Variants in FAF1 observed in about 807,000 individuals in gnomAD.
The protein encoded by FAF1 is FAS-associated factor 1.
A neutral mutation model predicts 92.5 loss-of-function variants in FAF1; 25 were observed. The observed-to-expected ratio is 0.27, with a 90% CI of 0.20 to 0.38. The LOEUF is 0.38. FAF1 is among the 10% of genes least tolerant of loss of function. The pLI, the probability that FAF1 is intolerant of heterozygous loss-of-function variation, is 1.00. For missense variants in FAF1, 636 were observed against 793.3 expected (o/e 0.80, Z 2.38); for synonymous variants, 234 against 273.2 (o/e 0.86, Z 1.42).
chr1:50,761,407 A>G (rs1391737531), intron 4 of FAF1, among the ~76,000 whole-genome samples: 2 of 152,344 alleles, frequency 1.3e-5, no homozygotes, highest in East Asian at 1.9e-4. Flanking sequence ...TTAGACCAAT[A>G]TCCTTGATGA....
At chr1:50,581,868 C>G (rs1410431917) in intron 12 of FAF1, among the ~76,000 whole-genome samples, 2 of 152,156 alleles carry the variant, frequency 1.3e-5, no homozygotes, top group Admixed American at 1.3e-4. Context: ...ATGGGAAGAG[C>G]TGAAGCTACA....
At chr1:50,924,632 G>C (rs1644989682) in intron 1 of FAF1, among the ~76,000 whole-genome samples, 1 of 152,090 alleles carries the variant, frequency 6.6e-6, no homozygotes, top group Non-Finnish European at 1.5e-5. Flanking sequence ...GAACAAAGCT[G>C]ACTTCAAAAT....
At chr1:50,912,929 C>T (rs1644896288) in intron 1 of FAF1, among the ~76,000 whole-genome samples, 1 of 152,190 alleles carries the variant, frequency 6.6e-6, no homozygotes, top group South Asian at 2.1e-4. Context: ...ACAACATTCC[C>T]TTCATATAAC....
At chr1:50,457,316 G>A (rs1266337922) in intron 18 of FAF1, among the ~76,000 whole-genome samples, 1 of 152,136 alleles carries the variant, frequency 6.6e-6, no homozygotes, top group Non-Finnish European at 1.5e-5. Flanking sequence ...AGTTGGCACT[G>A]CGGTGAGGTC....
chr1:50,730,332 A>C (rs905111890), intron 6 of FAF1, among the ~76,000 whole-genome samples: 8 of 151,884 alleles, frequency 5.3e-5, no homozygotes, highest in African/African-American at 1.9e-4. Flanking sequence ...ATTACTTTAA[A>C]AATCTCTTCT....
At chr1:50,728,805 G>A (rs1403679043) in intron 6 of FAF1, among the ~76,000 whole-genome samples, 4 of 148,722 alleles carry the variant, frequency 2.7e-5, no homozygotes, top group South Asian at 2.1e-4. Flanking sequence ...AAAAAAAAAA[G>A]AAAAGAAAAA....
chr1:50,844,651 A>G (rs554823469), intron 2 of FAF1, among the ~76,000 whole-genome samples: 22 of 151,796 alleles, frequency 1.4e-4, no homozygotes, highest in African/African-American at 5.3e-4. Flanking sequence ...ATTCGGGAAA[A>G]ATGAATACAA....
At chr1:50,466,226 G>T (rs953902850) in intron 18 of FAF1, among the ~76,000 whole-genome samples, 1 of 152,130 alleles carries the variant, frequency 6.6e-6, no homozygotes, top group Non-Finnish European at 1.5e-5. Context: ...AACAGATTTT[G>T]CTTATGAGTT....
chr1:50,591,901 G>C (rs1039023444), intron 9 of FAF1, among the ~76,000 whole-genome samples: 3 of 151,834 alleles, frequency 2.0e-5, no homozygotes, highest in Admixed American at 6.6e-5. Flanking sequence ...TTCTTTATTT[G>C]GCTGTGACTC....
At chr1:50,637,273 T>TAAAAAAAAAA (rs1172030649) in intron 8 of FAF1, among the ~76,000 whole-genome samples, 19 of 97,180 alleles carry the variant, frequency 2.0e-4, no homozygotes, top group African/African-American at 5.1e-4. Flanking sequence ...CCATTTCTAC[T>TAAAAAAAAAA]AAAAAAAAAA....
At chr1:50,800,122 G>C (rs935241522) in intron 3 of FAF1, among the ~76,000 whole-genome samples, 2 of 152,022 alleles carry the variant, frequency 1.3e-5, no homozygotes, top group Non-Finnish European at 2.9e-5. Context: ...AACTTTATGA[G>C]AAATCAGTTT....
Position 50,869,550 on chromosome 1 carries a change from A to G in FAF1, c.46-11553T>C, listed in dbSNP as rs185106248. On this transcript the variant is annotated intron_variant, in intron 1 of 18. Transcript: ENST00000396153. ...TATTCATTTGAATATTATCTCTCCT[A>G]CATAATCAATTCTGCTCTTTCAGAG... 2.8e-4 allele frequency among the ~76,000 whole-genome samples: 42 copies of G among 152,282 alleles called. No homozygotes were observed. The East Asian group carries it at 7.1e-3, about 26-fold the overall frequency.
intron 7 of FAF1, among the ~76,000 whole-genome samples, chr1:50,681,815 G>A (rs771407671): frequency 1.6e-4 from 24 of 151,558 alleles, no homozygotes; most frequent in Admixed American, 4.6e-4. Flanking sequence ...CACTGTTCCC[G>A]GCCTCTTTTG....
chr1:50,788,771 T>C (rs1661454077), intron 3 of FAF1, among the ~76,000 whole-genome samples: 1 of 152,206 alleles, frequency 6.6e-6, no homozygotes. Context: ...TCTCTCTTTC[T>C]CACTTCCTAT....
chr1:50,467,582 G>C (rs1646514179), intron 18 of FAF1, among the ~76,000 whole-genome samples: 1 of 152,054 alleles, frequency 6.6e-6, no homozygotes, highest in African/African-American at 2.4e-5. Flanking sequence ...CAAAGTGCTG[G>C]AATTACAGAC....
intron 6 of FAF1, among the ~76,000 whole-genome samples, chr1:50,706,951 C>T (rs937080919): frequency 2.0e-5 from 3 of 152,196 alleles, no homozygotes; most frequent in African/African-American, 7.2e-5. Flanking sequence ...CGCCTGTAAT[C>T]CCAGCACTTT....
chr1:50,477,101 A>T (rs1012154739), intron 17 of FAF1, among the ~76,000 whole-genome samples: 1 of 152,216 alleles, frequency 6.6e-6, no homozygotes, highest in Non-Finnish European at 1.5e-5. Flanking sequence ...GAAATTAGGT[A>T]ATGTGTGTCA....
chr1:50,873,460 T>C (rs1266891690), intron 1 of FAF1, among the ~76,000 whole-genome samples: 1 of 152,188 alleles, frequency 6.6e-6, no homozygotes, highest in Non-Finnish European at 1.5e-5. Context: ...CAGGCTTTTA[T>C]AGCTCCTTCC....
chr1:50,572,429 A>G (rs935028423), intron 12 of FAF1, among the ~76,000 whole-genome samples: 5 of 152,098 alleles, frequency 3.3e-5, no homozygotes, highest in African/African-American at 1.2e-4. Flanking sequence ...TCCCCCAAGT[A>G]CTCCCACATG....
Sources: gnomAD v4.1 joint callset for allele counts (sites outside exome capture counted in the v4.1 genomes callset) on GRCh38, gnomAD v4.1.1 for gene constraint, MANE v1.5 for transcripts, NCBI Gene and HGNC (gene_info 2026-07-23, HGNC 2026-07-21) for gene names.